The following POFUT3 variants were observed in gnomAD, a reference collection of about 807,000 sequenced individuals.
POFUT3 encodes the protein GDP-fucose protein O-fucosyltransferase 3.
the POFUT3 span, among the ~76,000 whole-genome samples, chr8:33,440,485 G>A: frequency 3.3e-5 from 5 of 152,092 alleles, no homozygotes; most frequent in East Asian, 1.9e-4. Flanking sequence ...TAACCCCCCC[G>A]CACCTAACCC....
At chr8:33,386,184 A>G in the POFUT3 span, among the ~76,000 whole-genome samples, 47 of 120,152 alleles carry the variant, frequency 3.9e-4, no homozygotes, top group Non-Finnish European at 6.3e-4. Context: ...GCAAGGCTCC[A>G]TCTCAAAAAA....
the POFUT3 span, among the ~76,000 whole-genome samples, chr8:33,411,854 C>T: frequency 1.3e-5 from 2 of 152,150 alleles, no homozygotes; most frequent in East Asian, 3.8e-4. Flanking sequence ...ATCTACAACA[C>T]GGTCTTAGGA....
chr8:33,404,015 A>G, the POFUT3 span, among the ~76,000 whole-genome samples: 1,678 of 152,202 alleles, frequency 0.011, 34 homozygotes, highest in African/African-American at 0.039. Flanking sequence ...ACAGGAGCAC[A>G]GGAACAAAAA....
the POFUT3 span, among the ~76,000 whole-genome samples, chr8:33,353,775 G>C: frequency 2.6e-5 from 4 of 152,254 alleles, no homozygotes; most frequent in African/African-American, 9.6e-5. Flanking sequence ...AAATCACTGA[G>C]CAATTTTTAG....
At chr8:33,370,779 T>C in the POFUT3 span, 1 of 152,210 alleles carries the variant, frequency 6.6e-6, no homozygotes, top group Admixed American at 6.5e-5. Flanking sequence ...ATAAATCACC[T>C]CTCAGGCTTT....
chr8:33,389,623 T>C, the POFUT3 span: 2 of 1,614,122 alleles, frequency 1.2e-6, no homozygotes, highest in Non-Finnish European at 1.7e-6. Flanking sequence ...TCTCCAAGTA[T>C]TGGGTAGTTA....
chr8:33,471,846 G>A, the POFUT3 span, among the ~76,000 whole-genome samples: 1 of 152,116 alleles, frequency 6.6e-6, no homozygotes, highest in Non-Finnish European at 1.5e-5. Flanking sequence ...AGTTATTACA[G>A]CAATTTCGAA....
chr8:33,472,092 T>C, the POFUT3 span, among the ~76,000 whole-genome samples: 1 of 152,154 alleles, frequency 6.6e-6, no homozygotes, highest in Admixed American at 6.6e-5. Context: ...AGCCCAAGAT[T>C]GGTCGTGAGT....
At chr8:33,349,710 T>A in the POFUT3 span, among the ~76,000 whole-genome samples, 21 of 152,232 alleles carry the variant, frequency 1.4e-4, no homozygotes, top group Non-Finnish European at 2.8e-4. Context: ...TAGTTCCATA[T>A]TTTTGCAATT....
the POFUT3 span, among the ~76,000 whole-genome samples, chr8:33,353,398 G>A: frequency 6.6e-6 from 1 of 152,174 alleles, no homozygotes; most frequent in Admixed American, 6.5e-5. Flanking sequence ...TGATCAAGTT[G>A]ACACAGACTA....
the POFUT3 span, among the ~76,000 whole-genome samples, chr8:33,416,838 A>G: frequency 1.8e-4 from 26 of 144,804 alleles, no homozygotes; most frequent in Non-Finnish European, 4.4e-5. Flanking sequence ...GACAAAAAAA[A>G]AAAAAAAAAA....
the POFUT3 span, among the ~76,000 whole-genome samples, chr8:33,433,549 T>G: frequency 2.0e-5 from 3 of 151,834 alleles, no homozygotes; most frequent in African/African-American, 7.3e-5. Flanking sequence ...GAGGCAGAGT[T>G]TGCAGTGAGG....
the POFUT3 span, among the ~76,000 whole-genome samples, chr8:33,386,097 G>A: frequency 6.8e-6 from 1 of 146,650 alleles, no homozygotes; most frequent in East Asian, 2.1e-4. Flanking sequence ...GCTGAGGCAC[G>A]AGAATCGCTT....
the POFUT3 span, among the ~76,000 whole-genome samples, chr8:33,428,012 T>C: frequency 1.3e-5 from 2 of 152,016 alleles, no homozygotes; most frequent in South Asian, 4.1e-4. Context: ...GTAATCCCAC[T>C]ACTTGGGAGG....
the POFUT3 span, among the ~76,000 whole-genome samples, chr8:33,310,716 A>G: frequency 6.8e-6 from 1 of 146,560 alleles, no homozygotes; most frequent in African/African-American, 2.5e-5. Flanking sequence ...AATATCTCCC[A>G]CAGAAAAGAC....
At chr8:33,431,145 T>C in the POFUT3 span, among the ~76,000 whole-genome samples, 1 of 152,118 alleles carries the variant, frequency 6.6e-6, no homozygotes, top group South Asian at 2.1e-4. Context: ...AAGTATCTTA[T>C]TCTAAGCAGA....
the POFUT3 span, among the ~76,000 whole-genome samples, chr8:33,421,719 C>A: frequency 6.6e-6 from 1 of 152,102 alleles, no homozygotes; most frequent in Non-Finnish European, 1.5e-5. Context: ...AATGACTGTT[C>A]AGAACTCGTT....
At chr8:33,343,067 C>T in the POFUT3 span, among the ~76,000 whole-genome samples, 759 of 150,434 alleles carry the variant, frequency 5.0e-3, 6 homozygotes, top group African/African-American at 0.017. Context: ...GCCAAGATCG[C>T]GCCACTGCAC....
chr8:33,323,984 C>T, the POFUT3 span, among the ~76,000 whole-genome samples: 1 of 152,106 alleles, frequency 6.6e-6, no homozygotes, highest in African/African-American at 2.4e-5. Context: ...CCTAAGAGCC[C>T]AGAGCAATTT....
Sources: gnomAD v4.1 joint callset for allele counts (sites outside exome capture counted in the v4.1 genomes callset) on GRCh38, gnomAD v4.1.1 for gene constraint, MANE v1.5 for transcripts, NCBI Gene and HGNC (gene_info 2026-07-23, HGNC 2026-07-21) for gene names.